Variants in DOK6 observed in about 807,000 individuals in gnomAD.
DOK6 encodes the protein docking protein 6, also known as downstream of tyrosine kinase 6.
In DOK6, 22 loss-of-function variants were observed where a neutral mutation model predicts 44.0. The ratio of observed to expected loss-of-function variants is 0.50; its 90% CI spans 0.36 to 0.71. The LOEUF (loss-of-function observed/expected upper bound fraction) is 0.71. Among genes scored for constraint, DOK6 ranks in the 30% least tolerant of loss-of-function variants. The pLI is 0.00. For missense variants in DOK6, 340 were observed against 416.4 expected, an observed-to-expected ratio of 0.82 and a Z score of 1.60; for synonymous variants, 166 against 145.5, an observed-to-expected ratio of 1.14 and a Z score of -1.01.
At chr18:69,526,094 T>C (rs1981823509) in intron 1 of DOK6, among the ~76,000 whole-genome samples, 1 of 152,130 alleles carries the variant, frequency 6.6e-6, no homozygotes, top group Non-Finnish European at 1.5e-5. Flanking sequence ...AATTCATATA[T>C]TATAGAATTC....
chr18:69,777,011 A>AGGG (rs374032959), intron 7 of DOK6, among the ~76,000 whole-genome samples: 2,252 of 103,340 alleles, frequency 0.022, 40 homozygotes, highest in Admixed American at 0.059. Flanking sequence ...GGGTGGGGGG[A>AGGG]GGGATAGCAT....
intron 1 of DOK6, among the ~76,000 whole-genome samples, chr18:69,525,015 A>G (rs1274057509): frequency 6.6e-6 from 1 of 151,810 alleles, no homozygotes; most frequent in Non-Finnish European, 1.5e-5. Context: ...GTATTAGTAT[A>G]TAAATGAATA....
At chr18:69,793,802 C>G (rs2145099701) in intron 7 of DOK6, among the ~76,000 whole-genome samples, 1 of 151,978 alleles carries the variant, frequency 6.6e-6, no homozygotes, top group African/African-American at 2.4e-5. Context: ...AAGAAATAAG[C>G]ACTATGGGAA....
intron 3 of DOK6, among the ~76,000 whole-genome samples, chr18:69,608,413 T>C (rs749180331): frequency 1.3e-5 from 2 of 151,200 alleles, no homozygotes; most frequent in Non-Finnish European, 2.9e-5. Context: ...GGTAAACTTG[T>C]AGTATATTTG....
chr18:69,644,266 T>G (rs990235929), intron 3 of DOK6, among the ~76,000 whole-genome samples: 2 of 152,212 alleles, frequency 1.3e-5, no homozygotes, highest in Non-Finnish European at 2.9e-5. Flanking sequence ...TTAATTTGTA[T>G]GAGGTCCAGT....
intron 1 of DOK6, among the ~76,000 whole-genome samples, chr18:69,460,678 C>T (rs139786691): frequency 2.0e-4 from 31 of 152,238 alleles, no homozygotes; most frequent in African/African-American, 7.5e-4. Flanking sequence ...TTTATATAAT[C>T]AGTTATGTGT....
intron 4 of DOK6, among the ~76,000 whole-genome samples, chr18:69,679,978 A>G (rs541395592): frequency 1.3e-5 from 2 of 152,224 alleles, no homozygotes; most frequent in Admixed American, 1.3e-4. Context: ...CACACAAGTC[A>G]AAATAAAGAA....
intron 3 of DOK6, among the ~76,000 whole-genome samples, chr18:69,618,965 A>G (rs934622078): frequency 1.3e-5 from 2 of 152,226 alleles, no homozygotes; most frequent in African/African-American, 4.8e-5. Context: ...TTATGTACTA[A>G]AAAAACACAC....
intron 1 of DOK6, among the ~76,000 whole-genome samples, chr18:69,561,657 A>C (rs1481534733): frequency 6.6e-6 from 1 of 152,074 alleles, no homozygotes; most frequent in Non-Finnish European, 1.5e-5. Context: ...GGGAAGGTGC[A>C]TCTGATCAGG....
intron 1 of DOK6, among the ~76,000 whole-genome samples, chr18:69,474,947 C>T (rs1239778855): frequency 6.6e-6 from 1 of 152,126 alleles, no homozygotes; most frequent in Non-Finnish European, 1.5e-5. Flanking sequence ...ATTCTAGATA[C>T]TTAAAAATGA....
intron 4 of DOK6, among the ~76,000 whole-genome samples, chr18:69,689,291 G>A (rs771806507): frequency 2.6e-5 from 4 of 152,110 alleles, no homozygotes; most frequent in African/African-American, 4.8e-5. Flanking sequence ...AACATTATAC[G>A]TAAGATATGA....
At position 69,806,734 on chromosome 18, in the gene DOK6, C is replaced by T. The variant is rs958554644; in HGVS notation, c.857-34510C>T. ...AAGATTAGGTAATCAGAGACTCACA[C>T]CACTGGGCAGGTTATAATATAATAT... On this transcript the variant is annotated intron_variant, in intron 7 of 7. Transcript: ENST00000382713. Among the ~76,000 whole-genome samples, 14 of 151,972 alleles carry T rather than the reference C, an allele frequency of 9.2e-5. 1 individual carries two copies. The highest frequency in any genetic ancestry group is 4.6e-4 in the Admixed American group (7 of 15,228).
At chr18:69,562,015 A>G (rs1016075870) in intron 1 of DOK6, among the ~76,000 whole-genome samples, 2 of 152,196 alleles carry the variant, frequency 1.3e-5, no homozygotes, top group Admixed American at 6.5e-5. Context: ...TGATTTCCTC[A>G]TGGGCATAAA....
chr18:69,703,496 G>C (rs1039275730), intron 5 of DOK6, among the ~76,000 whole-genome samples: 2 of 152,122 alleles, frequency 1.3e-5, no homozygotes, highest in Non-Finnish European at 2.9e-5. Flanking sequence ...ATCCCAGGAG[G>C]GTTGTGTATT....
chr18:69,547,448 AC>A (rs1266612012), intron 1 of DOK6, among the ~76,000 whole-genome samples: 9 of 151,318 alleles, frequency 5.9e-5, no homozygotes, highest in Non-Finnish European at 1.0e-4. Flanking sequence ...ATTCACTATC[AC>A]AAGGCTAGCA....
intron 1 of DOK6, among the ~76,000 whole-genome samples, chr18:69,504,272 T>A (rs1981124237): frequency 6.6e-6 from 1 of 152,004 alleles, no homozygotes; most frequent in Non-Finnish European, 1.5e-5. Context: ...AAAGTTTAAA[T>A]CTCTAAGTCT....
chr18:69,672,300 C>T (rs1356473664), intron 3 of DOK6, among the ~76,000 whole-genome samples: 1 of 152,214 alleles, frequency 6.6e-6, no homozygotes, highest in Non-Finnish European at 1.5e-5. Flanking sequence ...AACCAGAGAT[C>T]CATGCTTTTG....
intron 7 of DOK6, among the ~76,000 whole-genome samples, chr18:69,839,653 A>AG (rs1476924042): frequency 6.6e-6 from 1 of 152,250 alleles, no homozygotes; most frequent in Non-Finnish European, 1.5e-5. Context: ...CATGCGCAAC[A>AG]GCAGGAAGCA....
intron 2 of DOK6, among the ~76,000 whole-genome samples, chr18:69,568,010 G>A (rs1030534831): frequency 1.3e-5 from 2 of 152,292 alleles, no homozygotes; most frequent in East Asian, 3.9e-4. Flanking sequence ...CTCCCTCTCA[G>A]CCCAAGCTGG....
Sources: allele counts gnomAD v4.1 joint callset (sites outside exome capture counted in the v4.1 genomes callset), GRCh38; gene constraint gnomAD v4.1.1; transcripts MANE v1.5; gene names NCBI Gene and HGNC (gene_info 2026-07-23, HGNC 2026-07-21).